Variants in ASTN2 observed in about 807,000 individuals in gnomAD.
ASTN2 encodes astrotactin-2.
In ASTN2, 54 loss-of-function variants were observed where a neutral mutation model predicts 139.8. That is an observed-to-expected ratio of 0.39 (90% CI 0.31 to 0.48). The LOEUF (loss-of-function observed/expected upper bound fraction) is 0.48. ASTN2 is among the 20% of genes least tolerant of loss of function. The pLI, the probability that ASTN2 is intolerant of heterozygous loss-of-function variation, is 0.95. For missense variants in ASTN2, 1,565 were observed against 1,725.1 expected (o/e 0.91, Z 1.64); for synonymous variants, 756 against 719.5 (o/e 1.05, Z -0.81).
At chr9:117,215,972 G>A (rs1172734582) in intron 2 of ASTN2, among the ~76,000 whole-genome samples, 1 of 152,112 alleles carries the variant, frequency 6.6e-6, no homozygotes, top group Non-Finnish European at 1.5e-5. Context: ...CTTACTTTTT[G>A]TGTGTTTATT....
chr9:116,847,580 G>T (rs1461703441), intron 11 of ASTN2, among the ~76,000 whole-genome samples: 1 of 152,158 alleles, frequency 6.6e-6, no homozygotes, highest in Non-Finnish European at 1.5e-5. Flanking sequence ...ACACTTAATG[G>T]CACTTATCAT....
intron 3 of ASTN2, among the ~76,000 whole-genome samples, chr9:117,185,792 T>TA (rs1464285075): frequency 6.6e-6 from 1 of 151,760 alleles, no homozygotes; most frequent in Non-Finnish European, 1.5e-5. Flanking sequence ...CATAGAGAGG[T>TA]TATTTCCAGG....
intron 13 of ASTN2, among the ~76,000 whole-genome samples, chr9:116,738,191 CAAA>C (rs35053036): frequency 8.6e-6 from 1 of 116,156 alleles, no homozygotes. Context: ...GACTCCGTCT[CAAA>C]AAAAAAAAAA....
At chr9:117,067,123 G>C (rs1444415426) in intron 5 of ASTN2, among the ~76,000 whole-genome samples, 27 of 56,354 alleles carry the variant, frequency 4.8e-4, no homozygotes, top group South Asian at 1.4e-3. Flanking sequence ...TTTCTTCTAG[G>C]GTTTTTATGG....
At chr9:116,967,316 A>G (rs7041941) in intron 10 of ASTN2, among the ~76,000 whole-genome samples, 40,728 of 152,104 alleles carry the variant, frequency 0.27, 5,713 homozygotes, top group Admixed American at 0.36. Flanking sequence ...TCAGTGGTGG[A>G]GCTGGGATTT....
chr9:116,937,122 T>C (rs1180324177), intron 10 of ASTN2, among the ~76,000 whole-genome samples: 1 of 152,204 alleles, frequency 6.6e-6, no homozygotes, highest in Non-Finnish European at 1.5e-5. Flanking sequence ...CCATCTTTCA[T>C]ACTGAGCTAG....
rs192121543 is a variant in ASTN2, at chr9:116,643,751, C to T, written c.3072+7777G>A. Among the ~76,000 whole-genome samples, 540 of 152,322 alleles carry T rather than the reference C, an allele frequency of 3.5e-3. 2 individuals carry two copies. The highest frequency in any genetic ancestry group is 0.012 in the African/African-American group (517 of 41,576). On this transcript the variant is annotated intron_variant, in intron 17 of 22. Transcript: ENST00000313400. The stretch of plus-strand genomic sequence containing the variant: ...CTTCATCATCAAAAAACTTGCTTTG[C>T]AGTTCTACTATGTGCCCATATCCAC...
At chr9:116,940,766 A>G (rs1409192945) in intron 10 of ASTN2, among the ~76,000 whole-genome samples, 1 of 152,162 alleles carries the variant, frequency 6.6e-6, no homozygotes, top group Non-Finnish European at 1.5e-5. Context: ...GTATCCGGTA[A>G]TGTCCTAGGC....
intron 5 of ASTN2, among the ~76,000 whole-genome samples, chr9:117,049,702 T>A (rs531230753): frequency 1.3e-5 from 2 of 152,296 alleles, no homozygotes; most frequent in East Asian, 3.9e-4. Flanking sequence ...CTGAAACCAA[T>A]GTCTGTATCC....
chr9:116,607,319 T>C (rs1223258007), intron 19 of ASTN2, among the ~76,000 whole-genome samples: 1 of 152,124 alleles, frequency 6.6e-6, no homozygotes, highest in Admixed American at 6.6e-5. Context: ...TTCATCATCT[T>C]GTATCTTTAA....
At chr9:116,617,547 C>A (rs1855917792) in intron 19 of ASTN2, among the ~76,000 whole-genome samples, 2 of 152,146 alleles carry the variant, frequency 1.3e-5, no homozygotes, top group African/African-American at 4.8e-5. Flanking sequence ...AGCTGAATAA[C>A]CTTGGATTAA....
intron 10 of ASTN2, among the ~76,000 whole-genome samples, chr9:116,879,721 C>A (rs1055507903): frequency 6.6e-6 from 1 of 152,158 alleles, no homozygotes; most frequent in Non-Finnish European, 1.5e-5. Context: ...AAACACTCTG[C>A]AAAGCACTGA....
chr9:116,718,972 G>GTATATATA lies in ASTN2; in HGVS notation c.2806+6798_2806+6799insTATATATA, dbSNP rs373217069. Reference sequence around the variant, plus strand: ...TATTTACATATCTATACCTGTATCTGTACATATATATATATATATCTGCCT... The same window carrying GTATATATA: ...TATTTACATATCTATACCTGTATCTGTATATATATACATATATATATATATATCTGCCT... On this transcript the variant is annotated intron_variant, in intron 16 of 22. Transcript: ENST00000313400. Among the ~76,000 whole-genome samples, 78 of 100,028 alleles carry GTATATATA rather than the reference G, an allele frequency of 7.8e-4. 7 individuals are homozygous for GTATATATA. In the South Asian group the frequency reaches 0.011, roughly 14 times the overall value. The allele number at this position is 100,028 out of a possible 152,430, so 65.6% of individuals were successfully genotyped here. A position where few individuals can be genotyped will look rare whatever the true frequency, so the allele number is the denominator to read the frequency against.
chr9:116,873,036 T>G (rs560245801), intron 10 of ASTN2, among the ~76,000 whole-genome samples: 13 of 152,302 alleles, frequency 8.5e-5, no homozygotes, highest in African/African-American at 3.1e-4. Context: ...CATAGATGAA[T>G]AGTTTACACA....
At chr9:116,930,149 C>A (rs1178652849) in intron 10 of ASTN2, among the ~76,000 whole-genome samples, 1 of 152,140 alleles carries the variant, frequency 6.6e-6, no homozygotes, top group Non-Finnish European at 1.5e-5. Flanking sequence ...TGAGGACAGC[C>A]AGGTGAGGAG....
intron 3 of ASTN2, among the ~76,000 whole-genome samples, chr9:117,210,868 T>C (rs908516323): frequency 6.6e-5 from 10 of 152,012 alleles, no homozygotes; most frequent in African/African-American, 2.4e-4. Context: ...CAAGTGGTAT[T>C]TATCCCAGGT....
At chr9:116,639,613 T>G (rs565910504) in intron 17 of ASTN2, among the ~76,000 whole-genome samples, 18 of 152,334 alleles carry the variant, frequency 1.2e-4, no homozygotes, top group African/African-American at 4.1e-4. Context: ...TTGCTCTTCC[T>G]GGAAGCCCAG....
At chr9:117,012,362 G>A (rs536449779) in intron 6 of ASTN2, among the ~76,000 whole-genome samples, 1 of 152,180 alleles carries the variant, frequency 6.6e-6, no homozygotes, top group Non-Finnish European at 1.5e-5. Flanking sequence ...GAGAAACTCA[G>A]TGACAAGGGT....
chr9:116,888,536 T>A (rs1833676486), intron 10 of ASTN2, among the ~76,000 whole-genome samples: 1 of 152,140 alleles, frequency 6.6e-6, no homozygotes, highest in Non-Finnish European at 1.5e-5. Context: ...TGTTTGTTTG[T>A]TTTTGAGACA....
Sources: allele counts gnomAD v4.1 joint callset (sites outside exome capture counted in the v4.1 genomes callset), GRCh38; gene constraint gnomAD v4.1.1; transcripts MANE v1.5; gene names NCBI Gene and HGNC (gene_info 2026-07-23, HGNC 2026-07-21).